PAX3: variants seen among roughly 807,000 people sequenced by gnomAD.
PAX3 encodes the protein paired box 3, also known as paired box protein Pax-3.
PAX3 carries 14 observed loss-of-function variants against 51.6 expected under a neutral mutation model. The ratio of observed to expected loss-of-function variants is 0.27; its 90% CI spans 0.18 to 0.42. The LOEUF (loss-of-function observed/expected upper bound fraction) is 0.42, where lower values mean the gene tolerates loss of function less well. Among genes scored for constraint, PAX3 ranks in the 10% least tolerant of loss-of-function variants. The pLI, the probability that PAX3 is intolerant of heterozygous loss-of-function variation, is 1.00. For synonymous variants in PAX3, 280 were observed against 253.4 expected, an observed-to-expected ratio of 1.11 and a Z score of -1.00; for missense variants, 540 against 642.8, an observed-to-expected ratio of 0.84 and a Z score of 1.73.
intron 1 of PAX3, 182 bp downstream of exon 1, chr2:222,298,349 G>A (rs1695417478): frequency 9.8e-6 from 6 of 612,940 alleles, no homozygotes; most frequent in Non-Finnish European, 1.7e-5. Flanking sequence ...AGAGCAGCGC[G>A]CTCCATTTGC....
In PAX3 at chr2:222,251,049, T is replaced by G. The variant is rs114917754; in HGVS notation, c.587-18766A>C. On this transcript the variant is annotated intron_variant, in intron 4 of 8. Coordinates refer to ENST00000392070, the MANE Select transcript of PAX3 (RefSeq NM_181458.4). ...AACCACTTTGTGGTCATAACCACCC[T>G]CAGGTGAAGGGGGAACACTGTCAAT... is the stretch of plus-strand genomic sequence containing the variant. 1.9e-3 allele frequency among the ~76,000 whole-genome samples: 288 copies of G among 152,344 alleles called. 2 individuals are homozygous for G. The highest frequency in any genetic ancestry group is 6.7e-3 in the African/African-American group (278 of 41,592).
At chr2:222,253,647 T>A (rs58720344) in intron 4 of PAX3, among the ~76,000 whole-genome samples, 1 of 150,724 alleles carries the variant, frequency 6.6e-6, no homozygotes, top group East Asian at 2.0e-4. Context: ...TTTTTTTTTC[T>A]TTCTTTTTCT....
intron 5 of PAX3, among the ~76,000 whole-genome samples, chr2:222,222,373 A>T (rs1369500934): frequency 6.6e-6 from 1 of 151,440 alleles, no homozygotes; most frequent in Non-Finnish European, 1.5e-5. Context: ...CCAACTAAAG[A>T]TATTCTAATT....
In PAX3 at chr2:222,289,986, C is replaced by G. The variant is rs1237231804; in HGVS notation, c.586+4181G>C. Among the ~76,000 whole-genome samples the G allele has an allele frequency of 6.6e-5, 10 of 152,278 alleles. No individual in the cohort carries two copies. The East Asian group carries it at 1.9e-3, about 29-fold the overall frequency. The stretch of plus-strand genomic sequence containing the variant: ...TGGTCTGTCCACTTGAATAAAGGAT[C>G]CGATGCCATAAACCTATGATCTTAT... On this transcript the variant is annotated intron_variant, in intron 4 of 8. Coordinates refer to ENST00000392070, the MANE Select transcript of PAX3 (RefSeq NM_181458.4).
chr2:222,296,969 C>T lies in PAX3; in HGVS notation c.321+9G>A, dbSNP rs761151671. 9 of 1,608,216 alleles carry T rather than the reference C, an allele frequency of 5.6e-6. No individual in the cohort carries two copies. The Admixed American group carries it at 6.7e-5, about 12-fold the overall frequency. The stretch of plus-strand genomic sequence containing the variant: ...CTGGGAGCCAGGAGGGCAAGGCCCG[C>T]CCGCTCACCTTGGGCTTGCTGCCGC... On this transcript the variant is annotated intron_variant, in intron 2 of 8. Transcript: ENST00000392070.
chr2:222,232,227 G>C lies in PAX3; in HGVS notation c.643C>G (p.Leu215Val). Residue 215 changes from leucine (L) to valine (V), a missense_variant, in exon 5 of 9, where the codon CTA becomes GTA. This residue lies in a region of PAX3 where 427 missense variants were observed against 483.6 expected (regional missense o/e 0.88). Coordinates refer to ENST00000392070, the MANE Select transcript of PAX3 (RefSeq NM_181458.4). ...CGGCTTCTGCGCTGTTTCCTCTTTAGTGGTAAATCTGGTTCAGAGTCAATA... is the reference window on the plus strand; with the variant it reads ...CGGCTTCTGCGCTGTTTCCTCTTTACTGGTAAATCTGGTTCAGAGTCAATA... Reference protein sequence around the residue: ...SDIDSEPDLPLKRKQRRSRTT... With the variant: ...SDIDSEPDLPVKRKQRRSRTT... 1 of 1,614,026 alleles carries C rather than the reference G, an allele frequency of 6.2e-7. No homozygotes were observed. Among genetic ancestry groups the C allele is most frequent in the Non-Finnish European group, 8.5e-7 (1 of 1,179,960 alleles).
chr2:222,262,045 C>CCATT (rs752265249), intron 4 of PAX3, among the ~76,000 whole-genome samples: 1 of 152,216 alleles, frequency 6.6e-6, no homozygotes, highest in Admixed American at 6.5e-5. Flanking sequence ...CTACCACAAT[C>CCATT]CATTGGTTTT....
At chr2:222,232,375 C>T (rs1692630057) in intron 4 of PAX3, 92 bp from the exon 5 acceptor site, 2 of 1,051,560 alleles carry the variant, frequency 1.9e-6, no homozygotes, top group Non-Finnish European at 2.9e-6. Flanking sequence ...CTGCAAGACA[C>T]CATTACAGTG....
chr2:222,271,193 G>C (rs916346933), intron 4 of PAX3, among the ~76,000 whole-genome samples: 1 of 152,270 alleles, frequency 6.6e-6, no homozygotes, highest in Non-Finnish European at 1.5e-5. Context: ...AGTGAACCAG[G>C]ACAAATCTCT....
At chr2:222,213,327 T>A (rs553940503) in intron 7 of PAX3, among the ~76,000 whole-genome samples, 1 of 152,278 alleles carries the variant, frequency 6.6e-6, no homozygotes, top group East Asian at 1.9e-4. Flanking sequence ...AAGTACCAGG[T>A]CAATTACAGC....
chr2:222,226,451 A>G (rs1692388529), intron 5 of PAX3, among the ~76,000 whole-genome samples: 1 of 152,082 alleles, frequency 6.6e-6, no homozygotes, highest in South Asian at 2.1e-4. Context: ...TGCATGTGAA[A>G]AGACCATGGA....
At chr2:222,214,913 T>C (rs1691893007) in intron 7 of PAX3, 2 of 152,302 alleles carry the variant, frequency 1.3e-5, no homozygotes, top group South Asian at 4.1e-4. Flanking sequence ...TTTTGTAATT[T>C]AAGCCTATTT....
At chr2:222,268,898 GC>G (rs1694152024) in intron 4 of PAX3, among the ~76,000 whole-genome samples, 2 of 151,646 alleles carry the variant, frequency 1.3e-5, no homozygotes, top group Admixed American at 6.6e-5. Context: ...CAGTCTCCGA[GC>G]CCCCAGCCCT....
intron 7 of PAX3, among the ~76,000 whole-genome samples, chr2:222,217,230 A>G (rs942034515): frequency 6.6e-6 from 1 of 152,198 alleles, no homozygotes; most frequent in Non-Finnish European, 1.5e-5. Context: ...ATGAACATCC[A>G]ATGCTTTTAA....
chr2:222,296,825 T>C (rs1695322714), intron 2 of PAX3, among the ~76,000 whole-genome samples, 153 bp downstream of exon 2: 1 of 152,190 alleles, frequency 6.6e-6, no homozygotes, highest in African/African-American at 2.4e-5. Context: ...CGTGCACACG[T>C]ACACACACAC....
chr2:222,222,320 G>A (rs555446093), intron 5 of PAX3, among the ~76,000 whole-genome samples: 3 of 151,940 alleles, frequency 2.0e-5, no homozygotes, highest in South Asian at 2.1e-4. Flanking sequence ...ATTTTTCCAC[G>A]GAGCACACAT....
At chr2:222,281,638 A>G (rs1461495634) in intron 4 of PAX3, among the ~76,000 whole-genome samples, 2 of 152,154 alleles carry the variant, frequency 1.3e-5, no homozygotes, top group Non-Finnish European at 2.9e-5. Context: ...GCAAATGAAA[A>G]TTTTCCATGT....
At chr2:222,287,938 C>A (rs1439317677) in intron 4 of PAX3, among the ~76,000 whole-genome samples, 1 of 152,184 alleles carries the variant, frequency 6.6e-6, no homozygotes, top group East Asian at 1.9e-4. Context: ...GAAAACCCCA[C>A]ACACAGGCAG....
chr2:222,290,957 G>A (rs1310453121), intron 4 of PAX3, among the ~76,000 whole-genome samples: 1 of 151,856 alleles, frequency 6.6e-6, no homozygotes, highest in African/African-American at 2.4e-5. Context: ...AAGGGGGGAG[G>A]CGGGCTGTGT....
Sources: allele counts gnomAD v4.1 joint callset (sites outside exome capture counted in the v4.1 genomes callset), GRCh38; gene constraint gnomAD v4.1.1; regional missense constraint gnomAD v4.1.1; transcripts MANE v1.5; gene names NCBI Gene and HGNC (gene_info 2026-07-23, HGNC 2026-07-21).